The following HELZ variants were observed in gnomAD, a reference collection of about 807,000 sequenced individuals.
HELZ encodes the protein ATP-dependent RNA helicase with zinc finger domain.
Under a neutral mutation model 218.2 loss-of-function variants are expected in HELZ, and 23 were observed. The observed-to-expected ratio is 0.11, with a 90% confidence interval of 0.08 to 0.15. HELZ has a LOEUF of 0.15. HELZ is among the 10% of genes least tolerant of loss of function. The pLI is 1.00. For synonymous variants in HELZ, 814 were observed against 829.4 expected (o/e 0.98, Z 0.32); for missense variants, 1,813 against 2,353.7 (o/e 0.77, Z 4.75).
intron 31 of HELZ, among the ~76,000 whole-genome samples, chr17:67,088,896 G>T (rs753410866): frequency 6.6e-6 from 1 of 152,158 alleles, no homozygotes; most frequent in Non-Finnish European, 1.5e-5. Flanking sequence ...ATTCAATTAC[G>T]GTAGTGAGTA....
chr17:67,220,821 AG>A (rs1253801230), intron 3 of HELZ, among the ~76,000 whole-genome samples: 7 of 151,442 alleles, frequency 4.6e-5, no homozygotes, highest in African/African-American at 9.7e-5. Context: ...TAAAAAAAGA[AG>A]AAATTTAATT....
chr17:67,122,229 C>A (rs1031129760), intron 26 of HELZ, among the ~76,000 whole-genome samples: 9 of 152,090 alleles, frequency 5.9e-5, no homozygotes, highest in African/African-American at 2.2e-4. Flanking sequence ...ATGGGGAAAC[C>A]CTGTCTCTAC....
chr17:67,083,871 G>A (rs151117165), intron 32 of HELZ, among the ~76,000 whole-genome samples: 104 of 152,282 alleles, frequency 6.8e-4, no homozygotes, highest in African/African-American at 2.4e-3. Context: ...AGAGCCTAAA[G>A]TGTATTCAGT....
At chr17:67,157,693 A>G (rs2038883719) in intron 17 of HELZ, among the ~76,000 whole-genome samples, 1 of 152,250 alleles carries the variant, frequency 6.6e-6, no homozygotes, top group Non-Finnish European at 1.5e-5. Flanking sequence ...CTGGTAATAT[A>G]TAATTTTAAT....
Position 67,229,899 on chromosome 17 carries a change from A to T in HELZ, c.-19+9534T>A, listed in dbSNP as rs111794282. 3.9e-3 allele frequency among the ~76,000 whole-genome samples: 593 copies of T among 152,370 alleles called. 5 individuals are homozygous for T. The highest frequency in any genetic ancestry group is 0.014 in the African/African-American group (563 of 41,588). On this transcript the variant is annotated intron_variant, in intron 3 of 32. Coordinates refer to ENST00000358691, the MANE Select transcript of HELZ (RefSeq NM_014877.4). Reference sequence around the variant, plus strand: ...ATTAGAAGAGAGACTAAGCCTACAGAGAAGAAAACTAGAAACTAAGATCAT... The same window carrying T: ...ATTAGAAGAGAGACTAAGCCTACAGTGAAGAAAACTAGAAACTAAGATCAT...
intron 7 of HELZ, among the ~76,000 whole-genome samples, 183 bp from the exon 8 acceptor site, chr17:67,195,653 C>T (rs887879535): frequency 2.6e-5 from 4 of 151,760 alleles, no homozygotes; most frequent in African/African-American, 9.7e-5. Context: ...ATATGGAAAA[C>T]ATATTTGTGA....
chr17:67,130,256 A>G (rs939962381), intron 23 of HELZ, among the ~76,000 whole-genome samples: 9 of 152,178 alleles, frequency 5.9e-5, no homozygotes, highest in African/African-American at 2.2e-4. Context: ...TGAGGGGTAC[A>G]CTAAAAGTCC....
intron 3 of HELZ, among the ~76,000 whole-genome samples, chr17:67,236,985 C>T (rs899138829): frequency 6.6e-6 from 1 of 152,136 alleles, no homozygotes. Flanking sequence ...TCAATTGGTC[C>T]TCTGATCATC....
chr17:67,162,338 C>T (rs976171334), intron 15 of HELZ, among the ~76,000 whole-genome samples: 4 of 152,172 alleles, frequency 2.6e-5, no homozygotes, highest in African/African-American at 9.7e-5. Context: ...AGAAAACAAA[C>T]TTTGACCATG....
intron 3 of HELZ, among the ~76,000 whole-genome samples, chr17:67,233,624 A>G (rs888854601): frequency 4.6e-5 from 7 of 152,102 alleles, no homozygotes; most frequent in African/African-American, 1.7e-4. Flanking sequence ...TGTTGCCCCA[A>G]TAATCTCTGA....
intron 3 of HELZ, among the ~76,000 whole-genome samples, chr17:67,236,274 G>T (rs932241567): frequency 1.3e-5 from 2 of 152,118 alleles, no homozygotes; most frequent in Non-Finnish European, 2.9e-5. Flanking sequence ...AAGAAAAATG[G>T]TTTTCTCTAC....
upstream of HELZ, chr17:67,245,498 C>T (rs2041460310): frequency 7.1e-6 from 7 of 985,762 alleles, no homozygotes; most frequent in East Asian, 1.1e-4. Context: ...AGACGCCCCG[C>T]GTCTGCATTG....
Position 67,086,933 on chromosome 17 carries a change from T to C in HELZ, c.5390A>G (p.Asn1797Ser), listed in dbSNP as rs759076997. 7 of 1,613,730 alleles carry C rather than the reference T, an allele frequency of 4.3e-6. No homozygotes were observed. Among genetic ancestry groups the C allele is most frequent in the Middle Eastern group, 1.6e-4 (1 of 6,062 alleles). The stretch of plus-strand genomic sequence containing the variant: ...TACCCAGGACTCCGGGGATGAAAAG[T>C]TGAAAGAAGATTGGTTACTGTGGTC... ...LQDHSNQSSFNFSSPESWVNT... is the reference protein window; with the variant it reads ...LQDHSNQSSFSFSSPESWVNT... Residue 1797 changes from asparagine (N) to serine (S), a missense_variant, in exon 32 of 33, where the codon AAC becomes AGC. Around this residue, in one of 4 missense-constraint regions of HELZ, gnomAD observed 938 missense variants for 1,027.5 expected, o/e 0.91. Transcript: ENST00000358691.
chr17:67,186,908 A>G (rs1023823540), intron 12 of HELZ, among the ~76,000 whole-genome samples: 3 of 152,190 alleles, frequency 2.0e-5, no homozygotes, highest in Non-Finnish European at 2.9e-5. Flanking sequence ...GCAACTTACT[A>G]GTTCAGGGGT....
chr17:67,121,028 T>C (rs1229448534), intron 26 of HELZ, among the ~76,000 whole-genome samples: 2 of 152,200 alleles, frequency 1.3e-5, no homozygotes, highest in South Asian at 2.1e-4. Context: ...GGGGGAAAAG[T>C]TAAGGAAGAA....
intron 5 of HELZ, among the ~76,000 whole-genome samples, chr17:67,208,031 T>A (rs1298512332): frequency 6.6e-6 from 1 of 152,002 alleles, no homozygotes; most frequent in East Asian, 1.9e-4. Flanking sequence ...TGGATGGATC[T>A]CAAGAGGACC....
intron 12 of HELZ, among the ~76,000 whole-genome samples, chr17:67,181,029 G>T (rs1484360720): frequency 6.6e-6 from 1 of 152,028 alleles, no homozygotes; most frequent in East Asian, 1.9e-4. Flanking sequence ...CTCCAGCCTG[G>T]CGACAGAGCC....
At chr17:67,115,686 C>T (rs1195622049) in intron 27 of HELZ, among the ~76,000 whole-genome samples, 3 of 151,936 alleles carry the variant, frequency 2.0e-5, no homozygotes, top group Non-Finnish European at 4.4e-5. Context: ...ATAAAAACTG[C>T]CAACCAAGAA....
intron 5 of HELZ, among the ~76,000 whole-genome samples, chr17:67,213,179 G>C (rs2040501644): frequency 6.6e-6 from 1 of 151,986 alleles, no homozygotes; most frequent in Non-Finnish European, 1.5e-5. Flanking sequence ...TAGCACTCAG[G>C]GCAATGAAAA....
Sources: allele counts gnomAD v4.1 joint callset (sites outside exome capture counted in the v4.1 genomes callset), GRCh38; gene constraint gnomAD v4.1.1; regional missense constraint gnomAD v4.1.1; transcripts MANE v1.5; gene names NCBI Gene and HGNC (gene_info 2026-07-23, HGNC 2026-07-21).